Variants in ACACA observed in about 807,000 individuals in gnomAD.
The protein encoded by ACACA is acetyl-CoA carboxylase alpha.
In ACACA, 103 loss-of-function variants were observed where a neutral mutation model predicts 296.1. The observed-to-expected ratio is 0.35, with a 90% CI of 0.30 to 0.41. The LOEUF (loss-of-function observed/expected upper bound fraction) is 0.41, where lower values mean the gene tolerates loss of function less well. Among genes scored for constraint, ACACA ranks in the 10% least tolerant of loss-of-function variants. The probability of loss-of-function intolerance (pLI) is 1.00; values close to 1 mark genes in which losing one functional copy is unlikely to be tolerated. For missense variants in ACACA, 1,554 were observed against 2,989.7 expected (o/e 0.52, Z 11.20); for synonymous variants, 953 against 1,038.6 (o/e 0.92, Z 1.58).
chr17:37,212,498 T>G (rs1296067919), intron 29 of ACACA, among the ~76,000 whole-genome samples: 4 of 152,228 alleles, frequency 2.6e-5, no homozygotes, highest in Non-Finnish European at 5.9e-5. Context: ...ATCATGTAAG[T>G]AGGTTTAGAG....
At chr17:37,349,401 TATATATA>T (rs1186582768) in intron 1 of ACACA, among the ~76,000 whole-genome samples, 2 of 147,574 alleles carry the variant, frequency 1.4e-5, no homozygotes, top group Non-Finnish European at 3.0e-5. Context: ...ATATAAAACA[TATATATA>T]ATATATATTA....
At chr17:37,299,173 A>G (rs943529826) in intron 3 of ACACA, 32 of 1,207,662 alleles carry the variant, frequency 2.6e-5, no homozygotes, top group Non-Finnish European at 3.7e-5. Context: ...TTCATTTTTT[A>G]AAGATAGAAA....
chr17:37,248,464 C>T (rs1296279247), intron 17 of ACACA, 129 bp downstream of exon 17: 2 of 814,816 alleles, frequency 2.5e-6, no homozygotes, highest in African/African-American at 3.4e-5. Context: ...AGGACACTGA[C>T]AAAAATAATG....
At chr17:37,119,270 T>C (rs975467666) in intron 50 of ACACA, among the ~76,000 whole-genome samples, 1 of 152,166 alleles carries the variant, frequency 6.6e-6, no homozygotes, top group African/African-American at 2.4e-5. Context: ...ATCATTTTGC[T>C]CAAGACATTT....
intron 2 of ACACA, among the ~76,000 whole-genome samples, chr17:37,331,276 C>T (rs1407867136): frequency 6.6e-6 from 1 of 151,332 alleles, no homozygotes; most frequent in East Asian, 1.9e-4. Flanking sequence ...CGCCACAACA[C>T]CCAGCTAATT....
chr17:37,275,950 C>T lies in ACACA; in HGVS notation c.901+1G>A. The T allele has an allele frequency of 6.2e-7, 1 of 1,612,942 alleles. No individual in the cohort carries two copies. Among genetic ancestry groups the T allele is most frequent in the Non-Finnish European group, 8.5e-7 (1 of 1,178,870 alleles). Reference sequence around the variant, plus strand: ...GATACAAACAAGAATTCAGTTCTTACCACTGCCGCTCCAGGGAAGAGTTGG... The same window carrying T: ...GATACAAACAAGAATTCAGTTCTTATCACTGCCGCTCCAGGGAAGAGTTGG... On this transcript the variant is annotated splice_donor_variant, in intron 8 of 55. Coordinates refer to ENST00000616317, the MANE Select transcript of ACACA (RefSeq NM_198834.3). LOFTEE classifies it high-confidence loss of function.
rs2082895722 is a variant in ACACA, at chr17:37,288,532, T to A, written c.339-3562A>T. On this transcript the variant is annotated intron_variant, in intron 3 of 55. Coordinates refer to ENST00000616317, the MANE Select transcript of ACACA (RefSeq NM_198834.3). ...GAGTATGGGAATGATGGAAACGTTC[T>A]ATATCTTGATCTCATAGTAATGGTT... 2.6e-5 allele frequency among the ~76,000 whole-genome samples: 4 copies of A among 152,242 alleles called. No homozygotes were observed. The South Asian group carries it at 8.3e-4, about 31-fold the overall frequency.
At chr17:37,125,623 C>T in intron 48 of ACACA, 75 bp downstream of exon 48, 1 of 1,226,074 alleles carries the variant, frequency 8.2e-7, no homozygotes, top group South Asian at 1.3e-5. Context: ...TGGTATATAT[C>T]TATAGAGCCA....
intron 42 of ACACA, among the ~76,000 whole-genome samples, chr17:37,157,607 C>T (rs2076304107): frequency 7.4e-6 from 1 of 134,950 alleles, no homozygotes; most frequent in South Asian, 2.5e-4. Context: ...GCGATCTTGA[C>T]TCACTGCAAC....
At chr17:37,392,771 G>A (rs992910912) in intron 1 of ACACA, 4 of 152,052 alleles carry the variant, frequency 2.6e-5, no homozygotes, top group African/African-American at 4.8e-5. Context: ...CCTAAGGCTC[G>A]ATTTAATATT....
At chr17:37,311,563 C>G (rs2084146354) in intron 3 of ACACA, among the ~76,000 whole-genome samples, 1 of 151,776 alleles carries the variant, frequency 6.6e-6, no homozygotes, top group South Asian at 2.1e-4. Context: ...TGTGGCAAAG[C>G]TATAAATTAA....
chr17:37,307,007 T>C (rs916821923), intron 3 of ACACA, among the ~76,000 whole-genome samples: 17 of 152,260 alleles, frequency 1.1e-4, no homozygotes, highest in African/African-American at 4.1e-4. Context: ...CTTATGTGTA[T>C]AAAATTTATC....
At chr17:37,089,931 T>C (rs1445824274) in intron 54 of ACACA, among the ~76,000 whole-genome samples, 2 of 152,234 alleles carry the variant, frequency 1.3e-5, no homozygotes, top group South Asian at 2.1e-4. Context: ...TTAGGGCTCA[T>C]TCATATTTAT....
At chr17:37,092,880 T>TA (rs1301851535) in intron 54 of ACACA, among the ~76,000 whole-genome samples, 1 of 152,196 alleles carries the variant, frequency 6.6e-6, no homozygotes, top group East Asian at 1.9e-4. Context: ...CACCTACACT[T>TA]ACAAGGCTAA....
At chr17:37,328,347 G>T (rs1005436652) in intron 3 of ACACA, among the ~76,000 whole-genome samples, 4 of 152,072 alleles carry the variant, frequency 2.6e-5, no homozygotes, top group African/African-American at 9.7e-5. Flanking sequence ...TAGGAGGATC[G>T]CTTGAGGCCA....
chr17:37,133,430 A>G (rs1024546926), intron 45 of ACACA, among the ~76,000 whole-genome samples: 3 of 152,224 alleles, frequency 2.0e-5, no homozygotes, highest in Non-Finnish European at 2.9e-5. Context: ...GCTCCAACCA[A>G]GGAAGCAGAA....
intron 3 of ACACA, among the ~76,000 whole-genome samples, chr17:37,314,998 G>T (rs1598466622): frequency 1.1e-5 from 1 of 93,768 alleles, no homozygotes. Context: ...CGCTCTTGTT[G>T]CCCAGGCTGG....
Position 37,339,802 on chromosome 17 carries a change from A to G in ACACA, c.85+2T>C. The stretch of plus-strand genomic sequence containing the variant: ...AAACAAGGAGTATTATTTGTAACTG[A>G]CCTCTTATAATTCTTACTGTCTGAG... On this transcript the variant is annotated splice_donor_variant, in intron 2 of 55. Coordinates refer to ENST00000616317, the MANE Select transcript of ACACA (RefSeq NM_198834.3). LOFTEE classifies it high-confidence loss of function. 7.3e-7 allele frequency: 1 copy of G among 1,374,802 alleles called. No homozygotes were observed. The allele number at this position is 1,374,802 out of a possible 1,614,324, so 85.2% of individuals were successfully genotyped here.
chr17:37,112,669 A>G (rs1000218986), intron 51 of ACACA, among the ~76,000 whole-genome samples: 1 of 152,222 alleles, frequency 6.6e-6, no homozygotes, highest in African/African-American at 2.4e-5. Context: ...AGCCTTTGAC[A>G]TAGAAGGCTG....
Sources: allele counts gnomAD v4.1 joint callset (sites outside exome capture counted in the v4.1 genomes callset), GRCh38; gene constraint gnomAD v4.1.1; transcripts MANE v1.5; gene names NCBI Gene and HGNC (gene_info 2026-07-23, HGNC 2026-07-21).